Variants in SOX5 observed in about 807,000 individuals in gnomAD.
SOX5 encodes the protein transcription factor SOX-5.
SOX5 carries 9 observed loss-of-function variants against 92.0 expected under a neutral mutation model. That is an observed-to-expected ratio of 0.10 (90% CI 0.06 to 0.17). The LOEUF (loss-of-function observed/expected upper bound fraction) is 0.17, where lower values mean the gene tolerates loss of function less well. Ranked by LOEUF, SOX5 falls within the 10% of genes least tolerant of loss-of-function variation. The pLI is 1.00. For synonymous variants in SOX5, 344 were observed against 336.3 expected (o/e 1.02, Z -0.25); for missense variants, 642 against 944.5 (o/e 0.68, Z 4.20).
At chr12:23,720,024 C>A (rs1258830357) in intron 6 of SOX5, among the ~76,000 whole-genome samples, 2 of 152,002 alleles carry the variant, frequency 1.3e-5, no homozygotes, top group African/African-American at 4.8e-5. Flanking sequence ...ATTTATACAC[C>A]TCAAGATCAT....
intron 9 of SOX5, among the ~76,000 whole-genome samples, chr12:23,595,005 A>G (rs893011444): frequency 6.6e-6 from 1 of 152,070 alleles, no homozygotes; most frequent in Non-Finnish European, 1.5e-5. Flanking sequence ...TATTTTCTTC[A>G]TATCACTTAG....
At chr12:23,774,968 T>C (rs2095052462) in intron 3 of SOX5, among the ~76,000 whole-genome samples, 1 of 152,212 alleles carries the variant, frequency 6.6e-6, no homozygotes, top group Non-Finnish European at 1.5e-5. Context: ...CAACTACTTA[T>C]CTCCTTTTGT....
intron 1 of SOX5, among the ~76,000 whole-genome samples, chr12:24,417,779 ATGGTGGTGG>A (rs1041545064): frequency 3.3e-5 from 5 of 152,148 alleles, no homozygotes; most frequent in African/African-American, 1.2e-4. Context: ...CAAGAAAAAC[ATGGTGGTGG>A]TGGTGCTAGA....
chr12:23,775,891 T>C (rs1051234928), intron 3 of SOX5, among the ~76,000 whole-genome samples: 3 of 152,176 alleles, frequency 2.0e-5, no homozygotes, highest in Non-Finnish European at 2.9e-5. Context: ...CGCCACGGTC[T>C]CCAACCTTTT....
At chr12:24,227,785 G>A (rs903550714) in intron 3 of SOX5, 1 of 152,144 alleles carries the variant, frequency 6.6e-6, no homozygotes, top group Non-Finnish European at 1.5e-5. Context: ...GGTATCCTTC[G>A]ATGAGTACTG....
At chr12:24,168,923 C>G (rs1185805911) in intron 4 of SOX5, among the ~76,000 whole-genome samples, 3 of 151,890 alleles carry the variant, frequency 2.0e-5, no homozygotes, top group Non-Finnish European at 1.5e-5. Context: ...TATGCTATCC[C>G]TATCACAACA....
intron 4 of SOX5, among the ~76,000 whole-genome samples, chr12:24,030,133 G>A: frequency 6.6e-6 from 1 of 151,906 alleles, no homozygotes; most frequent in South Asian, 2.1e-4. Context: ...GCTCTAGAAA[G>A]TATGCTCTTT....
intron 4 of SOX5, among the ~76,000 whole-genome samples, chr12:24,206,813 T>C (rs549959077): frequency 3.3e-5 from 5 of 152,348 alleles, no homozygotes; most frequent in Admixed American, 1.3e-4. Context: ...GACTTCCCTG[T>C]GGCTTGTATT....
chr12:24,397,728 G>GA (rs999744763), intron 1 of SOX5, among the ~76,000 whole-genome samples: 1 of 151,038 alleles, frequency 6.6e-6, no homozygotes, highest in Non-Finnish European at 1.5e-5. Context: ...CACAAATCCA[G>GA]AAAAAAAATA....
intron 7 of SOX5, among the ~76,000 whole-genome samples, chr12:23,647,787 C>G (rs777529688): frequency 1.3e-5 from 2 of 152,304 alleles, no homozygotes; most frequent in East Asian, 1.9e-4. Context: ...ATAGGTCCTT[C>G]CTCTGGATTA....
At chr12:24,166,410 T>C (rs979416899) in intron 4 of SOX5, among the ~76,000 whole-genome samples, 1 of 152,186 alleles carries the variant, frequency 6.6e-6, no homozygotes, top group Non-Finnish European at 1.5e-5. Context: ...GTCATTAGCA[T>C]ATACGTTGAT....
At chr12:24,147,091 A>G (rs1368991032) in intron 4 of SOX5, among the ~76,000 whole-genome samples, 1 of 152,220 alleles carries the variant, frequency 6.6e-6, no homozygotes, top group Non-Finnish European at 1.5e-5. Context: ...AAATTCTTTC[A>G]CAAAGGTGAA....
chr12:24,419,957 ACT>A (rs1965665409), intron 1 of SOX5, among the ~76,000 whole-genome samples: 1 of 152,214 alleles, frequency 6.6e-6, no homozygotes, highest in Non-Finnish European at 1.5e-5. Context: ...GTGAAAGAAG[ACT>A]CTGCTATGGC....
At chr12:23,609,552 A>C (rs2075700672) in intron 8 of SOX5, among the ~76,000 whole-genome samples, 1 of 152,224 alleles carries the variant, frequency 6.6e-6, no homozygotes, top group Admixed American at 6.5e-5. Context: ...GAGGAACAGG[A>C]TGATAATACA....
intron 3 of SOX5, among the ~76,000 whole-genome samples, chr12:24,262,170 G>A (rs1320225212): frequency 6.6e-6 from 1 of 152,100 alleles, no homozygotes; most frequent in East Asian, 1.9e-4. Flanking sequence ...ACTACAAACT[G>A]TAGGTTGCAA....
At chr12:24,117,646 G>A (rs1382083694) in intron 4 of SOX5, among the ~76,000 whole-genome samples, 4 of 152,092 alleles carry the variant, frequency 2.6e-5, no homozygotes, top group Non-Finnish European at 2.9e-5. Flanking sequence ...TAGAATAGAA[G>A]GAAATTCTGT....
intron 1 of SOX5, among the ~76,000 whole-genome samples, chr12:23,907,298 A>C (rs1382578006): frequency 2.0e-5 from 3 of 152,194 alleles, no homozygotes; most frequent in Non-Finnish European, 4.4e-5. Flanking sequence ...TTTACTATCT[A>C]ATGATATGTT....
chr12:23,823,963 A>G (rs1408985154), intron 3 of SOX5, among the ~76,000 whole-genome samples: 1 of 152,188 alleles, frequency 6.6e-6, no homozygotes, highest in Non-Finnish European at 1.5e-5. Flanking sequence ...TTTCAGCTCC[A>G]TCACGTCATT....
At chr12:23,795,284 A>G (rs1007046728) in intron 3 of SOX5, among the ~76,000 whole-genome samples, 14 of 148,656 alleles carry the variant, frequency 9.4e-5, no homozygotes, top group African/African-American at 3.2e-4. Context: ...TTTTTTTTTG[A>G]TGGATGGACT....
Sources: gnomAD v4.1 joint callset for allele counts (sites outside exome capture counted in the v4.1 genomes callset) on GRCh38, gnomAD v4.1.1 for gene constraint, MANE v1.5 for transcripts, NCBI Gene and HGNC (gene_info 2026-07-23, HGNC 2026-07-21) for gene names.